Variants in TBCD observed in about 807,000 individuals in gnomAD.
The protein encoded by TBCD is tubulin-specific chaperone D.
In TBCD, 105 loss-of-function variants were observed where a neutral mutation model predicts 169.3. That is an observed-to-expected ratio of 0.62 (90% CI 0.53 to 0.73). The LOEUF (loss-of-function observed/expected upper bound fraction) is 0.73, where lower values mean the gene tolerates loss of function less well. Ranked by LOEUF, TBCD falls within the 30% of genes least tolerant of loss-of-function variation. The pLI is 0.00. For missense variants in TBCD, 1,444 were observed against 1,600.1 expected, an observed-to-expected ratio of 0.90 and a Z score of 1.66; for synonymous variants, 700 against 643.9, an observed-to-expected ratio of 1.09 and a Z score of -1.32.
At chr17:82,848,132 G>T (rs1328415485) in intron 13 of TBCD, among the ~76,000 whole-genome samples, 2 of 152,168 alleles carry the variant, frequency 1.3e-5, no homozygotes, top group African/African-American at 4.8e-5. Context: ...TGGGTGTGTG[G>T]CCTGTGGGTA....
intron 14 of TBCD, among the ~76,000 whole-genome samples, chr17:82,872,953 TCG>T (rs1567932445): frequency 2.8e-5 from 4 of 143,110 alleles, no homozygotes; most frequent in African/African-American, 8.4e-5. Flanking sequence ...GCCCGGCACC[TCG>T]TGGCCGACGG....
intron 7 of TBCD, among the ~76,000 whole-genome samples, chr17:82,788,425 A>G (rs909798963): frequency 6.6e-6 from 1 of 152,078 alleles, no homozygotes; most frequent in African/African-American, 2.4e-5. Context: ...TCGGACTGCG[A>G]GACGGGGCTG....
intron 13 of TBCD, among the ~76,000 whole-genome samples, chr17:82,845,285 C>T (rs1271557185): frequency 6.7e-6 from 1 of 148,958 alleles, no homozygotes; most frequent in Non-Finnish European, 1.5e-5. Flanking sequence ...TGCGGCCCAG[C>T]CCCTTCCTCT....
chr17:82,931,228 A>T (rs935988710), intron 33 of TBCD, among the ~76,000 whole-genome samples: 6 of 152,214 alleles, frequency 3.9e-5, no homozygotes, highest in African/African-American at 1.4e-4. Flanking sequence ...AGCCTCTCCC[A>T]TGAGAGCACA....
rs140170491 is a variant in TBCD at position 82,916,779 on chromosome 17, C to T, written c.2039-3777C>T. Among the ~76,000 whole-genome samples the T allele has an allele frequency of 2.1e-3, 316 of 152,158 alleles. 1 individual carries two copies. Among genetic ancestry groups the T allele is most frequent in the African/African-American group, 7.3e-3 (304 of 41,526 alleles). On this transcript the variant is annotated intron_variant, in intron 23 of 38. Coordinates refer to ENST00000355528, the MANE Select transcript of TBCD (RefSeq NM_005993.5). The stretch of plus-strand genomic sequence containing the variant: ...TAGAACAAGTTCCCTTTGTGTTTAT[C>T]TGACTTGGGGCTCTAGGGTTCATAC...
rs188833987 is a variant in TBCD, at chr17:82,839,003, A to G, written c.1318+24069A>G. On this transcript the variant is annotated intron_variant, in intron 13 of 38. Coordinates refer to ENST00000355528, the MANE Select transcript of TBCD (RefSeq NM_005993.5). ...CCAAATCAAGTTTATGAGAAATTTC[A>G]TATAAGGAAAAAAACCCTTTTGTAT... 4.4e-5 allele frequency: 43 copies of G among 983,340 alleles called. No individual in the cohort carries two copies. The African/African-American group carries it at 7.3e-4, about 17-fold the overall frequency. 60.9% of individuals were successfully genotyped at this position (983,340 alleles called of 1,614,324 possible). A position where few individuals can be genotyped will look rare whatever the true frequency, so the allele number is the denominator to read the frequency against.
intron 13 of TBCD, among the ~76,000 whole-genome samples, chr17:82,817,065 C>T (rs1336421750): frequency 6.6e-6 from 1 of 152,084 alleles, no homozygotes; most frequent in Non-Finnish European, 1.5e-5. Flanking sequence ...TTTATGTATT[C>T]TGGATATAAG....
intron 13 of TBCD, among the ~76,000 whole-genome samples, chr17:82,857,625 A>G (rs2056416775): frequency 6.6e-6 from 1 of 152,008 alleles, no homozygotes; most frequent in African/African-American, 2.4e-5. Flanking sequence ...TGGAGTTGAG[A>G]TTCTGTATGG....
At chr17:82,846,694 C>T (rs1027198953) in intron 13 of TBCD, among the ~76,000 whole-genome samples, 5 of 152,174 alleles carry the variant, frequency 3.3e-5, no homozygotes, top group South Asian at 2.1e-4. Flanking sequence ...CCCGTCACCT[C>T]GGAGCAGCAG....
At chr17:82,842,780 C>CTTTTTTTTTTTTTTTTT (rs375870095) in intron 13 of TBCD, among the ~76,000 whole-genome samples, 1 of 129,884 alleles carries the variant, frequency 7.7e-6, no homozygotes, top group Non-Finnish European at 1.6e-5. Flanking sequence ...TTCTTTCTTT[C>CTTTTTTTTTTTTTTTTT]TTTTTTTTTT....
chr17:82,942,307 G>C, intron 38 of TBCD, 142 bp from the exon 39 acceptor site: 1 of 1,199,990 alleles, frequency 8.3e-7, no homozygotes, highest in Non-Finnish European at 1.2e-6. Context: ...TCAGGCTGCC[G>C]GGTGTGTGGG....
At chr17:82,899,667 G>T (rs552541745) in intron 17 of TBCD, among the ~76,000 whole-genome samples, 1 of 152,318 alleles carries the variant, frequency 6.6e-6, no homozygotes, top group East Asian at 1.9e-4. Flanking sequence ...TAAAGAGTTA[G>T]AATTTTTATA....
At chr17:82,885,756 A>G (rs1425471876) in intron 15 of TBCD, among the ~76,000 whole-genome samples, 3 of 152,224 alleles carry the variant, frequency 2.0e-5, no homozygotes, top group African/African-American at 7.2e-5. Flanking sequence ...GAAATAATAT[A>G]AATCATTTTT....
rs1254529835 is a variant in TBCD at position 82,929,288 on chromosome 17, G to A, written c.2852+17G>A. On this transcript the variant is annotated intron_variant, in intron 31 of 38. Coordinates refer to ENST00000355528, the MANE Select transcript of TBCD (RefSeq NM_005993.5). ...GTTTCCCAGGTACTGTCGGGGTGTA[G>A]GCCCCCCGTGCTGGCCCCGCAGCCA... is the stretch of plus-strand genomic sequence containing the variant. 3.1e-5 allele frequency: 50 copies of A among 1,612,240 alleles called. No individual in the cohort carries two copies. Among genetic ancestry groups the A allele is most frequent in the Non-Finnish European group, 4.1e-5 (48 of 1,178,754 alleles).
chr17:82,830,380 C>A (rs1378356223), intron 13 of TBCD: 2 of 1,612,574 alleles, frequency 1.2e-6, no homozygotes, highest in African/African-American at 2.7e-5. Flanking sequence ...GTTCCTGGGG[C>A]TGTAGGCCGC....
At chr17:82,893,517 C>T in intron 16 of TBCD, 30 bp from the exon 17 acceptor site, 1 of 1,523,660 alleles carries the variant, frequency 6.6e-7, no homozygotes, top group Non-Finnish European at 9.0e-7. Flanking sequence ...TCAAATTCTT[C>T]TTTTTCCCCC....
At chr17:82,801,793 C>T (rs111739065) in intron 9 of TBCD, among the ~76,000 whole-genome samples, 1 of 111,748 alleles carries the variant, frequency 8.9e-6, no homozygotes, top group African/African-American at 3.6e-5. Context: ...TGTGCATCGT[C>T]GTGTGGCTCG....
chr17:82,876,902 C>T, intron 14 of TBCD: 1 of 957,302 alleles, frequency 1.0e-6, no homozygotes, highest in Non-Finnish European at 1.2e-6. Flanking sequence ...GCCTGCGTCT[C>T]CTGCTGTCAG....
At chr17:82,780,507 C>T (rs934925739) in intron 6 of TBCD, among the ~76,000 whole-genome samples, 9 of 151,874 alleles carry the variant, frequency 5.9e-5, no homozygotes, top group African/African-American at 1.9e-4. Flanking sequence ...CGCTTGTAGT[C>T]CCAGCTACTC....
Sources: gnomAD v4.1 joint callset for allele counts (sites outside exome capture counted in the v4.1 genomes callset) on GRCh38, gnomAD v4.1.1 for gene constraint, MANE v1.5 for transcripts, NCBI Gene and HGNC (gene_info 2026-07-23, HGNC 2026-07-21) for gene names.